ADAMTS10: variants seen among roughly 807,000 people sequenced by gnomAD.
The protein encoded by ADAMTS10 is A disintegrin and metalloproteinase with thrombospondin motifs 10.
In ADAMTS10, 48 loss-of-function variants were observed where a neutral mutation model predicts 135.9. The ratio of observed to expected loss-of-function variants is 0.35; its 90% CI spans 0.28 to 0.45. ADAMTS10 has a LOEUF of 0.45. Among genes scored for constraint, ADAMTS10 ranks in the 20% least tolerant of loss-of-function variants. ADAMTS10 has a pLI of 1.00. For missense variants in ADAMTS10, 1,131 were observed against 1,565.2 expected (o/e 0.72, Z 4.68); for synonymous variants, 621 against 647.5 (o/e 0.96, Z 0.62).
chr19:8,589,687 G>T, intron 16 of ADAMTS10, 102 bp from the exon 17 acceptor site: 1 of 1,567,160 alleles, frequency 6.4e-7, no homozygotes, highest in African/African-American at 1.3e-5. Context: ...CCAGACCCAA[G>T]AGGAAGGGCA....
intron 25 of ADAMTS10, 128 bp from the exon 26 acceptor site, chr19:8,581,130 CTTTTTTTTTT>C (rs369050914): frequency 0.37 from 54,274 of 146,944 alleles, 4,777 homozygotes; most frequent in Non-Finnish European, 0.42. Context: ...TTTAAATTTA[CTTTTTTTTTT>C]TTTTTTTTTT....
chr19:8,586,264 GT>G lies in ADAMTS10; in HGVS notation c.2531-14del, dbSNP rs782000281. The G allele has an allele frequency of 1.2e-6, 2 of 1,613,098 alleles. No individual in the cohort carries two copies. The highest frequency in any genetic ancestry group is 1.7e-4 in the Middle Eastern group (1 of 6,028). On this transcript the variant is annotated splice_polypyrimidine_tract_variant and intron_variant, in intron 21 of 25. Transcript: ENST00000597188. ...TGCACCTGGCTACCTGGAGGGGAGG[GT>G]GAGAGGCCTGCTCAGCCCCTCCCGG...
In ADAMTS10 at chr19:8,605,433, G is replaced by A. The variant is rs2042710992; in HGVS notation, c.89-75C>T. The A allele has an allele frequency of 2.0e-6, 3 of 1,501,906 alleles. No homozygotes were observed. In the South Asian group the frequency reaches 3.6e-5, roughly 18 times the overall value. The allele number at this position is 1,501,906 out of a possible 1,614,324, so 93.0% of individuals were successfully genotyped here. ...CCTGTGTCCTGGCTGTTAGGCTGCT[G>A]GAGCAAGTGATGCTGGCCTCACTGA... On this transcript the variant is annotated intron_variant, in intron 3 of 25. Coordinates refer to ENST00000597188, the MANE Select transcript of ADAMTS10 (RefSeq NM_030957.4). This position sits in a 1 kb window ranked among gnomAD's most constrained non-coding sequence, Gnocchi z 7.7.
At chr19:8,593,082 C>A in intron 12 of ADAMTS10, 1 of 613,976 alleles carries the variant, frequency 1.6e-6, no homozygotes, top group Non-Finnish European at 2.9e-6. Context: ...ATTTATGGAG[C>A]ACTTTATACA....
At position 8,597,181 on chromosome 19, in the gene ADAMTS10, G is replaced by A. The variant is rs182837230; in HGVS notation, c.895-49C>T. The A allele has an allele frequency of 9.3e-6, 15 of 1,613,986 alleles. No individual in the cohort carries two copies. The African/African-American group carries it at 1.1e-4, about 11-fold the overall frequency. On this transcript the variant is annotated intron_variant, in intron 7 of 25. Coordinates refer to ENST00000597188, the MANE Select transcript of ADAMTS10 (RefSeq NM_030957.4). ...CATGGGCACCCACCACCCAGGGGAC[G>A]GCAGGACATGCTGGTATGAAGGGGA...
At position 8,609,234 on chromosome 19, in the gene ADAMTS10, C is replaced by CTGTGTGTGTGTGTGACCCTGTG. The variant is rs2042754765; in HGVS notation, c.-214-987_-214-986insCACAGGGTCACACACACACACA. On this transcript the variant is annotated intron_variant, in intron 1 of 25. Coordinates refer to ENST00000597188, the MANE Select transcript of ADAMTS10 (RefSeq NM_030957.4). ...TTATGGCTTGTGAGTGTGTGTGACC[C>CTGTGTGTGTGTGTGACCCTGTG]TGTGTGTGTGTGTGTGTGTGTGTGT... Among the ~76,000 whole-genome samples the CTGTGTGTGTGTGTGACCCTGTG allele has an allele frequency of 2.1e-5, 3 of 139,834 alleles. No homozygotes were observed. The Admixed American group carries it at 2.2e-4, about 10-fold the overall frequency. The allele number at this position is 139,834 out of a possible 152,430, so 91.7% of individuals were successfully genotyped here. A position where few individuals can be genotyped will look rare whatever the true frequency, so the allele number is the denominator to read the frequency against.
chr19:8,593,213 AG>A (rs2042564512), intron 12 of ADAMTS10: 1 of 363,252 alleles, frequency 2.8e-6, no homozygotes, highest in African/African-American at 2.1e-5. Flanking sequence ...TCTTTAATTC[AG>A]AGTCTGTGCT....
chr19:8,603,787 A>G lies in ADAMTS10; in HGVS notation c.533T>C (p.Val178Ala). The change falls in exon 5 of 26, where the codon GTG (valine) becomes GCG (alanine). Residue 178 changes from valine (V) to alanine (A), a missense_variant. Transcript: ENST00000597188. The stretch of plus-strand genomic sequence containing the variant: ...ACGCAGAGAGGAACGCTTGTACACC[A>G]CATGTGGTCCACTTTCCTCCGGGCT... ...SRSPEESGPH[V>A]VYKRSSLRHP... The G allele has an allele frequency of 6.2e-7, 1 of 1,614,106 alleles. No homozygotes were observed.
At chr19:8,588,861 G>T (rs778232740) in intron 18 of ADAMTS10, among the ~76,000 whole-genome samples, 2 of 150,750 alleles carry the variant, frequency 1.3e-5, no homozygotes, top group African/African-American at 4.9e-5. Flanking sequence ...GTGTGATCTC[G>T]GCTCACTGCA....
chr19:8,589,196 A>G, intron 18 of ADAMTS10, 46 bp downstream of exon 18: 1 of 1,610,596 alleles, frequency 6.2e-7, no homozygotes, highest in Non-Finnish European at 8.5e-7. Flanking sequence ...ACCTGCAGTC[A>G]GCTGGCCCAT....
At chr19:8,598,836 A>ATG (rs1555740835) in intron 6 of ADAMTS10, among the ~76,000 whole-genome samples, 87 of 151,966 alleles carry the variant, frequency 5.7e-4, no homozygotes, top group African/African-American at 2.1e-3. Context: ...CGGCCTCCCA[A>ATG]AGTGTTGGGA....
intron 6 of ADAMTS10, among the ~76,000 whole-genome samples, chr19:8,598,478 G>T (rs2042628667): frequency 6.6e-6 from 1 of 151,870 alleles, no homozygotes; most frequent in Admixed American, 6.6e-5. Flanking sequence ...GCAGCCCCAG[G>T]GATGAGCTGG....
At position 8,605,382 on chromosome 19, in the gene ADAMTS10, G is replaced by C. The variant is rs377553844; in HGVS notation, c.89-24C>G. The C allele has an allele frequency of 6.8e-4, 1,072 of 1,570,488 alleles. No individual in the cohort carries two copies. Among genetic ancestry groups the C allele is most frequent in the Non-Finnish European group, 8.6e-4 (995 of 1,157,152 alleles). The stretch of plus-strand genomic sequence containing the variant: ...ATCTGTGGGTGAGGGTCAGAGGCCT[G>C]GGGTGGGCCCTGGTCTTATTGGACC... On this transcript the variant is annotated intron_variant, in intron 3 of 25. Transcript: ENST00000597188. This position sits in a 1 kb window ranked among gnomAD's most constrained non-coding sequence, Gnocchi z 7.7.
intron 12 of ADAMTS10, chr19:8,593,252 G>A (rs937794665): frequency 1.2e-5 from 3 of 253,872 alleles, no homozygotes; most frequent in Non-Finnish European, 2.4e-5. Flanking sequence ...TCAGTTCCTG[G>A]TGCCTTCTGA....
intron 6 of ADAMTS10, among the ~76,000 whole-genome samples, chr19:8,599,132 G>A (rs1324459759): frequency 6.6e-6 from 1 of 151,886 alleles, no homozygotes; most frequent in Non-Finnish European, 1.5e-5. Flanking sequence ...TTGATACACT[G>A]GTACGCTGAG....
At chr19:8,587,187 G>GTC (rs1308904828) in intron 18 of ADAMTS10, among the ~76,000 whole-genome samples, 2 of 150,544 alleles carry the variant, frequency 1.3e-5, no homozygotes, top group Non-Finnish European at 3.0e-5. Flanking sequence ...GAGACAGGAT[G>GTC]TCTCTGTTGC....
chr19:8,596,520 G>C lies in ADAMTS10; in HGVS notation c.1084+22C>G, dbSNP rs1302156255. ...CAGCCCACTGCCTTCATAGGCGCCTGAAACCTACGGGGCTCGGGTACCTAG... is the reference window on the plus strand; with the variant it reads ...CAGCCCACTGCCTTCATAGGCGCCTCAAACCTACGGGGCTCGGGTACCTAG... On this transcript the variant is annotated intron_variant, in intron 9 of 25. Coordinates refer to ENST00000597188, the MANE Select transcript of ADAMTS10 (RefSeq NM_030957.4). The surrounding 1 kb of genome is among the most constrained non-coding windows in gnomAD (Gnocchi z 7.2). 6.2e-6 allele frequency: 10 copies of C among 1,613,924 alleles called. No individual in the cohort carries two copies. The highest frequency in any genetic ancestry group is 8.5e-6 in the Non-Finnish European group (10 of 1,179,936).
chr19:8,595,698 T>TGCCCGC, intron 12 of ADAMTS10, 64 bp downstream of exon 12: 1 of 1,291,944 alleles, frequency 7.7e-7, no homozygotes, highest in Non-Finnish European at 1.1e-6. Context: ...CTGGTGGAGT[T>TGCCCGC]CCCTCCCCCA....
At chr19:8,608,840 T>C (rs73922181) in intron 1 of ADAMTS10, among the ~76,000 whole-genome samples, 6,883 of 151,132 alleles carry the variant, frequency 0.046, 538 homozygotes, top group African/African-American at 0.16. Context: ...TGGGACATTG[T>C]GGAAGGACCC....
Sources: allele counts gnomAD v4.1 joint callset (sites outside exome capture counted in the v4.1 genomes callset), GRCh38; gene constraint gnomAD v4.1.1; non-coding constraint Gnocchi (gnomAD v3.1); transcripts MANE v1.5; gene names NCBI Gene and HGNC (gene_info 2026-07-23, HGNC 2026-07-21).